PRDM2: variants seen among roughly 807,000 people sequenced by gnomAD.
The protein encoded by PRDM2 is PR domain zinc finger protein 2.
PRDM2 carries 30 observed loss-of-function variants against 130.0 expected under a neutral mutation model. That is an observed-to-expected ratio of 0.23 (90% CI 0.17 to 0.31). PRDM2 has a LOEUF of 0.31. PRDM2 is among the 10% of genes least tolerant of loss of function. The pLI, the probability that PRDM2 is intolerant of heterozygous loss-of-function variation, is 1.00. For synonymous variants in PRDM2, 871 were observed against 782.4 expected (o/e 1.11, Z -1.89); for missense variants, 2,011 against 2,108.4 (o/e 0.95, Z 0.90).
chr1:13,751,687 A>C (rs1285130859), intron 6 of PRDM2, among the ~76,000 whole-genome samples: 1 of 152,192 alleles, frequency 6.6e-6, no homozygotes, highest in East Asian at 1.9e-4. Context: ...CATGTTGAAT[A>C]CATAGAGCCG....
At chr1:13,739,749 C>G (rs1034674896) in intron 4 of PRDM2, among the ~76,000 whole-genome samples, 1 of 152,032 alleles carries the variant, frequency 6.6e-6, no homozygotes, top group Non-Finnish European at 1.5e-5. Flanking sequence ...GCTGGTTAGT[C>G]TGTGTATATT....
chr1:13,757,202 T>C (rs147119592), intron 6 of PRDM2, among the ~76,000 whole-genome samples: 147 of 152,352 alleles, frequency 9.6e-4, no homozygotes, highest in Non-Finnish European at 1.4e-3. Flanking sequence ...TGCATAGGTA[T>C]ATTGTATTCC....
chr1:13,734,225 A>C (rs1237876383), intron 4 of PRDM2, among the ~76,000 whole-genome samples: 1 of 152,218 alleles, frequency 6.6e-6, no homozygotes, highest in Non-Finnish European at 1.5e-5. Context: ...CCGGCCAAAA[A>C]ATGTGAATTA....
rs1557670321 is a variant in PRDM2, at chr1:13,803,695, C to G, written c.5037-12732C>G. Among the ~76,000 whole-genome samples, 1 of 152,186 alleles carries G rather than the reference C, an allele frequency of 6.6e-6. No homozygotes were observed. Among genetic ancestry groups the G allele is most frequent in the African/African-American group, 2.4e-5 (1 of 41,444 alleles). ...TGGCAGCAAAAGAGGCAGCCACAGC[C>G]GGGGGCTTTCCCCGCGGGCAGGTTC... On this transcript the variant is annotated intron_variant, in intron 8 of 9. Transcript: ENST00000311066. The surrounding 1 kb of genome is among the most constrained non-coding windows in gnomAD (Gnocchi z 6.2).
In PRDM2 at chr1:13,781,732, A is replaced by G; in HGVS notation, c.3937A>G (p.Ile1313Val). 3 of 1,614,210 alleles carry G rather than the reference A, an allele frequency of 1.9e-6. No homozygotes were observed. The highest frequency in any genetic ancestry group is 2.5e-6 in the Non-Finnish European group (3 of 1,180,042). ...FQYHHRNPMG[I>V]GVTATNFTTH... ...GTACCATCACCGTAACCCCATGGGG[A>G]TTGGTGTGACAGCCACAAATTTCAC... Residue 1313 changes from isoleucine (I) to valine (V), a missense_variant, in exon 8 of 10, where the codon ATT (isoleucine) becomes GTT (valine). Physicochemically the swap from Ile to Val is conservative, Grantham distance 29. This residue lies in a region of PRDM2 where 229 missense variants were observed against 364.1 expected (regional missense o/e 0.63). Coordinates refer to ENST00000311066, the MANE Select transcript of PRDM2 (RefSeq NM_001393986.1). This position sits in a 1 kb window ranked among gnomAD's most constrained non-coding sequence, Gnocchi z 6.1.
intron 2 of PRDM2, among the ~76,000 whole-genome samples, chr1:13,728,222 A>G (rs141632747): frequency 3.7e-4 from 56 of 152,354 alleles, no homozygotes; most frequent in African/African-American, 1.2e-3. Flanking sequence ...TTTGAAATCT[A>G]CTGCTAAGCT....
intron 8 of PRDM2, among the ~76,000 whole-genome samples, chr1:13,814,831 C>T (rs989204799): frequency 2.0e-5 from 3 of 152,204 alleles, no homozygotes; most frequent in Non-Finnish European, 2.9e-5. Flanking sequence ...GTTTGTCCCT[C>T]CTGCTTTCCT....
intron 8 of PRDM2, among the ~76,000 whole-genome samples, chr1:13,800,695 C>T (rs1399238389): frequency 6.6e-6 from 1 of 152,188 alleles, no homozygotes; most frequent in East Asian, 1.9e-4. Flanking sequence ...GATGAACACA[C>T]ACACATCCCT....
At chr1:13,739,882 A>T (rs1017497255) in intron 4 of PRDM2, among the ~76,000 whole-genome samples, 8 of 151,926 alleles carry the variant, frequency 5.3e-5, no homozygotes, top group African/African-American at 1.7e-4. Flanking sequence ...TCTTTAAGAA[A>T]TTTTTTTTGT....
chr1:13,749,302 G>GC, intron 5 of PRDM2, 59 bp from the exon 6 acceptor site: 1 of 1,294,388 alleles, frequency 7.7e-7, no homozygotes, highest in South Asian at 1.5e-5. Context: ...TGCGCGCCCC[G>GC]CCCCCGCCAA....
chr1:13,716,812 CACTT>C (rs1189073144), intron 2 of PRDM2, among the ~76,000 whole-genome samples: 10 of 152,092 alleles, frequency 6.6e-5, no homozygotes, highest in Admixed American at 2.0e-4. Context: ...TGTTCATAAG[CACTT>C]ACTTTTAAAA....
At chr1:13,714,127 C>A (rs1642462608) in intron 1 of PRDM2, among the ~76,000 whole-genome samples, 2 of 152,190 alleles carry the variant, frequency 1.3e-5, no homozygotes, top group Non-Finnish European at 2.9e-5. Flanking sequence ...CCTTGGCCTC[C>A]CAAAGTGCTG....
rs757993100 is a variant in PRDM2 at position 13,782,391 on chromosome 1, C to T, written c.4596C>T (p.Gly1532=). The T allele has an allele frequency of 6.2e-7, 1 of 1,613,982 alleles. No individual in the cohort carries two copies. The highest frequency in any genetic ancestry group is 8.5e-7 in the Non-Finnish European group (1 of 1,180,008). Residue 1532 remains glycine (G), a synonymous_variant, in exon 8 of 10, where the codon GGC becomes GGT. Coordinates refer to ENST00000311066, the MANE Select transcript of PRDM2 (RefSeq NM_001393986.1). ...IKMQSMQTPL[G]KTRARSSGPT... ...TGCAAAGCATGCAGACTCCGTTGGG[C>T]AAGACCAGAGCCCGCAGCTCAGGCC...
chr1:13,773,582 C>T (rs1203676), intron 7 of PRDM2: 26,541 of 152,708 alleles, frequency 0.17, 2,902 homozygotes, highest in Admixed American at 0.24. Context: ...AAGATGATGG[C>T]ATGTGCCTGT....
At chr1:13,733,920 A>C (rs1643187938) in intron 4 of PRDM2, among the ~76,000 whole-genome samples, 1 of 152,228 alleles carries the variant, frequency 6.6e-6, no homozygotes, top group African/African-American at 2.4e-5. Flanking sequence ...AAGCCTAAAA[A>C]TAAAGTATGG....
At chr1:13,727,591 G>T (rs778300767) in intron 2 of PRDM2, among the ~76,000 whole-genome samples, 1 of 152,114 alleles carries the variant, frequency 6.6e-6, no homozygotes, top group Admixed American at 6.5e-5. Context: ...TGATCGGAAG[G>T]CATGTGTCCC....
intron 6 of PRDM2, among the ~76,000 whole-genome samples, chr1:13,766,928 A>G (rs1199079172): frequency 6.6e-6 from 1 of 152,234 alleles, no homozygotes; most frequent in South Asian, 2.1e-4. Context: ...TTAAGGTGAA[A>G]CATTATTCTC....
In PRDM2 at chr1:13,710,124, C is replaced by G. The variant is rs138589618; in HGVS notation, c.-65-5417C>G. On this transcript the variant is annotated intron_variant, in intron 1 of 9. Transcript: ENST00000311066. The stretch of plus-strand genomic sequence containing the variant: ...TAGATTTTTACAAGTCCGTAAAGGG[C>G]AGATATGAAGACAGTTTAAGTGTTA... Among the ~76,000 whole-genome samples, 415 of 152,316 alleles carry G rather than the reference C, an allele frequency of 2.7e-3. 6 individuals are homozygous for G. The highest frequency in any genetic ancestry group is 9.8e-3 in the African/African-American group (406 of 41,560).
chr1:13,778,618 G>A lies in PRDM2; in HGVS notation c.823G>A (p.Glu275Lys). 6.2e-7 allele frequency: 1 copy of A among 1,613,698 alleles called. No homozygotes were observed. Among genetic ancestry groups the A allele is most frequent in the Non-Finnish European group, 8.5e-7 (1 of 1,179,732 alleles). ...DLGEEEEEEEEEDEEEEEDDD... is the reference protein window; with the variant it reads ...DLGEEEEEEEKEDEEEEEDDD... Reference sequence around the variant, plus strand: ...GGGGGAAGAGGAGGAGGAGGAAGAGGAGGAGGATGAAGAAGAAGAAGAAGA... The same window carrying A: ...GGGGGAAGAGGAGGAGGAGGAAGAGAAGGAGGATGAAGAAGAAGAAGAAGA... Residue 275 changes from glutamate to lysine, a missense_variant, in exon 8 of 10, where the codon GAG becomes AAG. Transcript: ENST00000311066.
Sources: allele counts gnomAD v4.1 joint callset (sites outside exome capture counted in the v4.1 genomes callset), GRCh38; gene constraint gnomAD v4.1.1; regional missense constraint gnomAD v4.1.1; non-coding constraint Gnocchi (gnomAD v3.1); transcripts MANE v1.5; gene names NCBI Gene and HGNC (gene_info 2026-07-23, HGNC 2026-07-21).